Variants in FIG4 observed in about 807,000 individuals in gnomAD.
FIG4 encodes the protein FIG4 phosphoinositide 5-phosphatase.
FIG4 carries 112 observed loss-of-function variants against 118.6 expected under a neutral mutation model. The ratio of observed to expected loss-of-function variants is 0.94; its 90% CI spans 0.81 to 1.11. The LOEUF is 1.11. FIG4 is among the 50% of genes least tolerant of loss of function. FIG4 has a pLI of 0.00. For missense variants in FIG4, 969 were observed against 1,111.7 expected (o/e 0.87, Z 1.83); for synonymous variants, 369 against 381.2 (o/e 0.97, Z 0.37).
At chr6:109,770,460 A>G (rs187504218) in intron 15 of FIG4, among the ~76,000 whole-genome samples, 1 of 152,294 alleles carries the variant, frequency 6.6e-6, no homozygotes, top group East Asian at 1.9e-4. Flanking sequence ...CATGTTCTCA[A>G]CAGGGATCTA....
At chr6:109,815,515 A>C (rs1778839188) in intron 22 of FIG4, among the ~76,000 whole-genome samples, 1 of 32,868 alleles carries the variant, frequency 3.0e-5, no homozygotes, top group African/African-American at 1.3e-4. Context: ...CCCCCCCGTT[A>C]ATGAGAGTGC....
At chr6:109,691,784 G>A (rs1774439965) in intron 1 of FIG4, among the ~76,000 whole-genome samples, 1 of 152,204 alleles carries the variant, frequency 6.6e-6, no homozygotes. Flanking sequence ...AACTGTTCAT[G>A]AGGTTCTCTG....
At chr6:109,726,463 C>G (rs549962802) in intron 3 of FIG4, among the ~76,000 whole-genome samples, 4 of 152,176 alleles carry the variant, frequency 2.6e-5, no homozygotes, top group South Asian at 2.1e-4. Context: ...GTCTATATAT[C>G]TGTTTTGGTA....
At chr6:109,697,515 T>C (rs534274435) in intron 1 of FIG4, among the ~76,000 whole-genome samples, 2 of 152,170 alleles carry the variant, frequency 1.3e-5, no homozygotes, top group Non-Finnish European at 2.9e-5. Flanking sequence ...CAGGACTCCT[T>C]GAGTGTCTGT....
intron 4 of FIG4, among the ~76,000 whole-genome samples, chr6:109,729,867 C>T (rs973268852): frequency 1.3e-5 from 2 of 151,218 alleles, no homozygotes; most frequent in Non-Finnish European, 2.9e-5. Flanking sequence ...CTAGCAGTAA[C>T]GAACTAGAAA....
chr6:109,771,285 A>G (rs1777451230), intron 15 of FIG4, among the ~76,000 whole-genome samples: 1 of 152,162 alleles, frequency 6.6e-6, no homozygotes. Context: ...AGTTCTCCAA[A>G]GGACAACGGA....
intron 3 of FIG4, among the ~76,000 whole-genome samples, chr6:109,720,174 A>G (rs1775562644): frequency 1.3e-5 from 2 of 152,246 alleles, no homozygotes; most frequent in African/African-American, 4.8e-5. Flanking sequence ...TATGTGTCCT[A>G]CTTCAGTCAT....
intron 22 of FIG4, among the ~76,000 whole-genome samples, chr6:109,815,638 A>G (rs565170467): frequency 6.6e-6 from 1 of 151,882 alleles, no homozygotes; most frequent in Non-Finnish European, 1.5e-5. Flanking sequence ...GAGAAGGGGA[A>G]GAGCACGGCT....
chr6:109,729,666 A>G (rs1229214774), intron 4 of FIG4, among the ~76,000 whole-genome samples: 1 of 151,696 alleles, frequency 6.6e-6, no homozygotes, highest in Non-Finnish European at 1.5e-5. Context: ...TAATCCCAGC[A>G]TTTTGGGAGG....
Position 109,825,352 on chromosome 6 carries a change from C to T in FIG4, c.*87C>T. ...TTCAAAAGGTAACTTATTAAAAGTC[C>T]TTTGCGTCTGAAGCCTTTCTCCTTT... is the stretch of plus-strand genomic sequence containing the variant. On this transcript the variant is annotated 3_prime_UTR_variant, in exon 23 of 23. Transcript: ENST00000230124. 7.9e-7 allele frequency: 1 copy of T among 1,266,178 alleles called. No homozygotes were observed. The highest frequency in any genetic ancestry group is 1.1e-6 in the Non-Finnish European group (1 of 877,390). The allele number at this position is 1,266,178 out of a possible 1,614,324, so 78.4% of individuals were successfully genotyped here.
intron 1 of FIG4, among the ~76,000 whole-genome samples, chr6:109,706,901 G>A (rs1175453110): frequency 3.9e-5 from 6 of 152,106 alleles, no homozygotes; most frequent in Middle Eastern, 3.4e-3. Flanking sequence ...TTAGGTGAAC[G>A]CTGTTAGATT....
At chr6:109,749,296 C>G (rs1428088467) in intron 10 of FIG4, among the ~76,000 whole-genome samples, 1 of 151,920 alleles carries the variant, frequency 6.6e-6, no homozygotes, top group African/African-American at 2.4e-5. Context: ...CATATTAATT[C>G]AGAAGTTTCA....
rs762389374 is a variant in FIG4, at chr6:109,777,063, A to ATTTTTC, written c.1889+6_1889+11dup. 2.5e-5 allele frequency: 41 copies of ATTTTTC among 1,612,474 alleles called. No individual in the cohort carries two copies. The highest frequency in any genetic ancestry group is 2.0e-4 in the South Asian group (18 of 91,040). ...AGACTTTTGCCAACAAGAAGAAGGT[A>ATTTTTC]TTTTTCTTCCTAGTCTGTAATATAA... On this transcript the variant is annotated splice_donor_region_variant and intron_variant, in intron 16 of 22. Transcript: ENST00000230124.
intron 1 of FIG4, among the ~76,000 whole-genome samples, chr6:109,694,239 C>T (rs903388236): frequency 1.3e-5 from 2 of 152,124 alleles, no homozygotes; most frequent in African/African-American, 2.4e-5. Flanking sequence ...TTGCGATGAC[C>T]TTGAGCAGTA....
intron 15 of FIG4, among the ~76,000 whole-genome samples, chr6:109,774,583 A>G (rs970213104): frequency 2.0e-5 from 3 of 152,246 alleles, no homozygotes; most frequent in Non-Finnish European, 4.4e-5. Flanking sequence ...GTAAACAGTT[A>G]ATGTTCCCCT....
At chr6:109,716,390 A>G in intron 2 of FIG4, 55 bp from the exon 3 acceptor site, 1 of 1,596,296 alleles carries the variant, frequency 6.3e-7, no homozygotes, top group Non-Finnish European at 8.6e-7. Context: ...GGCACAAATA[A>G]TAAATAATCT....
chr6:109,775,625 G>A (rs1214383168), intron 15 of FIG4, among the ~76,000 whole-genome samples: 1 of 152,150 alleles, frequency 6.6e-6, no homozygotes, highest in Admixed American at 6.5e-5. Flanking sequence ...TTTGTATTAT[G>A]TAAAGAGGGT....
At chr6:109,731,937 A>G (rs1776014029) in intron 4 of FIG4, among the ~76,000 whole-genome samples, 1 of 152,204 alleles carries the variant, frequency 6.6e-6, no homozygotes, top group African/African-American at 2.4e-5. Context: ...AAAGTTTGTA[A>G]TGATTTGCAT....
chr6:109,767,005 TA>T, intron 15 of FIG4, 110 bp downstream of exon 15: 2 of 880,394 alleles, frequency 2.3e-6, no homozygotes, highest in Non-Finnish European at 1.8e-6. Flanking sequence ...TTTAAAAGTT[TA>T]AATAAAACAG....
Sources: gnomAD v4.1 joint callset for allele counts (sites outside exome capture counted in the v4.1 genomes callset) on GRCh38, gnomAD v4.1.1 for gene constraint, MANE v1.5 for transcripts, NCBI Gene and HGNC (gene_info 2026-07-23, HGNC 2026-07-21) for gene names.